The following DCAF5 variants were observed in gnomAD, a reference collection of about 807,000 sequenced individuals.
The protein encoded by DCAF5 is DDB1- and CUL4-associated factor 5.
A neutral mutation model predicts 80.7 loss-of-function variants in DCAF5; 9 were observed. The observed-to-expected ratio is 0.11, with a 90% confidence interval of 0.07 to 0.19. DCAF5 has a LOEUF of 0.19. DCAF5 is among the 10% of genes least tolerant of loss of function. The pLI, the probability that DCAF5 is intolerant of heterozygous loss-of-function variation, is 1.00. For missense variants in DCAF5, 842 were observed against 1,205.7 expected (o/e 0.70, Z 4.47); for synonymous variants, 433 against 461.9 (o/e 0.94, Z 0.80).
At chr14:69,060,342 G>C (rs529359522) in intron 8 of DCAF5, among the ~76,000 whole-genome samples, 1 of 152,184 alleles carries the variant, frequency 6.6e-6, no homozygotes, top group South Asian at 2.1e-4. Context: ...GTGTGACCTT[G>C]GACAGTTAAT....
chr14:69,151,785 C>T (rs2041714074), intron 1 of DCAF5, among the ~76,000 whole-genome samples: 1 of 152,156 alleles, frequency 6.6e-6, no homozygotes, highest in African/African-American at 2.4e-5. Flanking sequence ...CGGGCCTCCC[C>T]GGGAGCAATA....
chr14:69,121,459 T>C (rs2040715465), intron 2 of DCAF5, among the ~76,000 whole-genome samples: 1 of 152,230 alleles, frequency 6.6e-6, no homozygotes, highest in African/African-American at 2.4e-5. Flanking sequence ...AAACTGCTAC[T>C]TTTTAAAGTT....
In DCAF5 at chr14:69,055,254, C is replaced by A; in HGVS notation, c.1432G>T (p.Asp478Tyr). 6.2e-7 allele frequency: 1 copy of A among 1,614,160 alleles called. No homozygotes were observed. Among genetic ancestry groups the A allele is most frequent in the Non-Finnish European group, 8.5e-7 (1 of 1,180,026 alleles). Residue 478 changes from aspartate (D) to tyrosine (Y), a missense_variant, in exon 9 of 9, where the codon GAC (aspartate) becomes TAC (tyrosine). Coordinates refer to ENST00000341516, the MANE Select transcript of DCAF5 (RefSeq NM_003861.3). The surrounding 1 kb of genome is among the most constrained non-coding windows in gnomAD (Gnocchi z 5.6). ...AGGGGCCCCAGGTGGAAGGCGTTGT[C>A]GGCAGACTCATCTACTGTGGGAGGC... ...SPPPTVDESA[D>Y]NAFHLGPLRV...
intron 6 of DCAF5, among the ~76,000 whole-genome samples, chr14:69,079,196 T>C (rs983375436): frequency 6.6e-6 from 1 of 152,192 alleles, no homozygotes; most frequent in Admixed American, 6.5e-5. Context: ...CTTTCCTATT[T>C]GTTCGGCTAT....
At chr14:69,130,584 G>A (rs1012205050) in intron 1 of DCAF5, among the ~76,000 whole-genome samples, 1 of 152,010 alleles carries the variant, frequency 6.6e-6, no homozygotes, top group Non-Finnish European at 1.5e-5. Flanking sequence ...ATCTTATGTT[G>A]TATACATTTC....
intron 7 of DCAF5, among the ~76,000 whole-genome samples, chr14:69,063,906 A>G (rs947034846): frequency 2.6e-5 from 4 of 152,196 alleles, no homozygotes; most frequent in Non-Finnish European, 4.4e-5. Flanking sequence ...TTTGACAATA[A>G]TATTTGAATT....
At chr14:69,097,469 CAAT>C (rs1376313245) in intron 5 of DCAF5, among the ~76,000 whole-genome samples, 1 of 151,972 alleles carries the variant, frequency 6.6e-6, no homozygotes, top group Non-Finnish European at 1.5e-5. Flanking sequence ...ATTCATTAAA[CAAT>C]AATTAGCACC....
intron 7 of DCAF5, among the ~76,000 whole-genome samples, chr14:69,072,150 T>C (rs1003002641): frequency 2.0e-5 from 3 of 152,168 alleles, no homozygotes; most frequent in African/African-American, 7.2e-5. Flanking sequence ...AGGCAAATAC[T>C]CTCTAGGTAG....
intron 6 of DCAF5, chr14:69,090,856 A>G (rs971894597): frequency 9.9e-6 from 5 of 505,632 alleles, no homozygotes; most frequent in East Asian, 3.1e-5. Flanking sequence ...TTCCCAATCT[A>G]TATGTGAAAT....
intron 5 of DCAF5, among the ~76,000 whole-genome samples, chr14:69,103,041 T>C (rs1343564998): frequency 6.6e-6 from 1 of 152,184 alleles, no homozygotes; most frequent in Admixed American, 6.5e-5. Context: ...ATTTTTCAGC[T>C]CCATTATAAT....
In DCAF5 at chr14:69,054,760, A is replaced by T; in HGVS notation, c.1926T>A (p.Ile642=). 1 of 1,614,222 alleles carries T rather than the reference A, an allele frequency of 6.2e-7. No homozygotes were observed. The highest frequency in any genetic ancestry group is 1.6e-4 in the Middle Eastern group (1 of 6,062). ...AAGTTGGTGATGCCCGGCTTGGTTGAATCTCTAGCGTGGAAGTGCTCCGCT... is the reference window on the plus strand; with the variant it reads ...AAGTTGGTGATGCCCGGCTTGGTTGTATCTCTAGCGTGGAAGTGCTCCGCT... ...SPERSTSTLE[I]QPSRASPTSD... The change falls in exon 9 of 9, where the codon ATT becomes ATA. Residue 642 remains isoleucine, a synonymous_variant. Coordinates refer to ENST00000341516, the MANE Select transcript of DCAF5 (RefSeq NM_003861.3).
At chr14:69,082,063 C>T (rs1045448028) in intron 6 of DCAF5, among the ~76,000 whole-genome samples, 2 of 152,222 alleles carry the variant, frequency 1.3e-5, no homozygotes, top group Admixed American at 1.3e-4. Context: ...TTTCCCCTGA[C>T]CTTCTGTCAG....
At chr14:69,062,551 G>T (rs1333475083) in intron 7 of DCAF5, 40 bp from the exon 8 acceptor site, 2 of 1,607,506 alleles carry the variant, frequency 1.2e-6, no homozygotes, top group East Asian at 2.2e-5. Flanking sequence ...ATGATGAAAT[G>T]AATGAAAGTA....
chr14:69,144,135 C>T (rs563716148), intron 1 of DCAF5, among the ~76,000 whole-genome samples: 2 of 152,154 alleles, frequency 1.3e-5, no homozygotes, highest in East Asian at 3.9e-4. Context: ...TACTACAAAT[C>T]TCATTGCCTT....
In DCAF5 at chr14:69,053,993, C is replaced by A. The variant is rs2037847931; in HGVS notation, c.2693G>T (p.Arg898Ile). 1 of 1,612,666 alleles carries A rather than the reference C, an allele frequency of 6.2e-7. No homozygotes were observed. The highest frequency in any genetic ancestry group is 1.3e-5 in the African/African-American group (1 of 74,904). The change falls in exon 9 of 9, where the codon AGA becomes ATA. Residue 898 changes from arginine to isoleucine, a missense_variant. Arg to Ile is a moderately conservative substitution (Grantham distance 97). Transcript: ENST00000341516. Reference protein sequence around the residue: ...MACETPNAGTREDPTDTPATD... With the variant: ...MACETPNAGTIEDPTDTPATD... ...GGCTGGGGTGTCAGTGGGGTCCTCTCTTGTTCCAGCATTGGGGGTCTCACA... is the reference window on the plus strand; with the variant it reads ...GGCTGGGGTGTCAGTGGGGTCCTCTATTGTTCCAGCATTGGGGGTCTCACA...
intron 8 of DCAF5, among the ~76,000 whole-genome samples, chr14:69,058,502 A>G (rs2038067795): frequency 1.3e-5 from 2 of 151,370 alleles, no homozygotes; most frequent in African/African-American, 4.8e-5. Context: ...TTGGGTGACA[A>G]GAGCGAAATC....
Position 69,075,397 on chromosome 14 carries a change from GC to G in DCAF5, c.893del (p.Gly298AlafsTer32). On this transcript the variant is annotated frameshift_variant, in exon 7 of 9. Transcript: ENST00000341516. LOFTEE classifies it high-confidence loss of function. ...ACATGTACAGGTTGAAGTCATCAGAGCCCGAAAGGATATACTGTTGGAACAA... is the reference window on the plus strand; with the variant it reads ...ACATGTACAGGTTGAAGTCATCAGAGCCGAAAGGATATACTGTTGGAACAA... ...AGDRDQYILS[G>X]SDDFNLYMWR... 1 of 1,600,676 alleles carries G rather than the reference GC, an allele frequency of 6.2e-7. No homozygotes were observed. Among genetic ancestry groups the G allele is most frequent in the South Asian group, 1.1e-5 (1 of 89,146 alleles).
At chr14:69,137,015 C>T (rs1469636186) in intron 1 of DCAF5, among the ~76,000 whole-genome samples, 1 of 152,076 alleles carries the variant, frequency 6.6e-6, no homozygotes, top group East Asian at 1.9e-4. Context: ...CAATGGTCAT[C>T]CTGAATAAGT....
intron 5 of DCAF5, among the ~76,000 whole-genome samples, chr14:69,112,999 A>G (rs2040423344): frequency 6.6e-6 from 1 of 152,054 alleles, no homozygotes; most frequent in Non-Finnish European, 1.5e-5. Flanking sequence ...TCATATTATA[A>G]TTCAAGTCTT....
Sources: allele counts gnomAD v4.1 joint callset (sites outside exome capture counted in the v4.1 genomes callset), GRCh38; gene constraint gnomAD v4.1.1; non-coding constraint Gnocchi (gnomAD v3.1); transcripts MANE v1.5; gene names NCBI Gene and HGNC (gene_info 2026-07-23, HGNC 2026-07-21).